The following MAP7 variants were observed in gnomAD, a reference collection of about 807,000 sequenced individuals.
The protein encoded by MAP7 is ensconsin.
A neutral mutation model predicts 94.8 loss-of-function variants in MAP7; 52 were observed. The observed-to-expected ratio is 0.55, with a 90% CI of 0.44 to 0.69. MAP7 has a LOEUF of 0.69. Among genes scored for constraint, MAP7 ranks in the 30% least tolerant of loss-of-function variants. MAP7 has a pLI of 0.00. For synonymous variants in MAP7, 350 were observed against 357.0 expected (o/e 0.98, Z 0.22); for missense variants, 940 against 964.6 (o/e 0.97, Z 0.34).
chr6:136,370,927 C>T (rs1441423526), intron 8 of MAP7, among the ~76,000 whole-genome samples: 1 of 149,632 alleles, frequency 6.7e-6, no homozygotes, highest in African/African-American at 2.5e-5. Context: ...TTTAACACAA[C>T]TAAATATTTT....
intron 8 of MAP7, among the ~76,000 whole-genome samples, chr6:136,368,079 C>T (rs1794769945): frequency 6.6e-6 from 1 of 151,976 alleles, no homozygotes; most frequent in African/African-American, 2.4e-5. Flanking sequence ...AATTACAGTA[C>T]CTTTGAGCCA....
intron 13 of MAP7, 94 bp downstream of exon 13, chr6:136,360,603 G>C: frequency 9.8e-7 from 1 of 1,017,678 alleles, no homozygotes; most frequent in East Asian, 2.4e-5. Context: ...TATGTGGCAA[G>C]GGTAGAACAC....
At chr6:136,461,817 A>G (rs1805315528) in intron 1 of MAP7, among the ~76,000 whole-genome samples, 2 of 152,206 alleles carry the variant, frequency 1.3e-5, no homozygotes, top group Non-Finnish European at 1.5e-5. Context: ...TCTAAACACT[A>G]TTAGGAGTTT....
chr6:136,364,285 C>T, intron 10 of MAP7: 1 of 524,168 alleles, frequency 1.9e-6, no homozygotes, highest in Non-Finnish European at 3.8e-6. Context: ...TTTGCAAAAG[C>T]CTTGGCCAAT....
intron 1 of MAP7, among the ~76,000 whole-genome samples, chr6:136,529,151 G>A (rs188728331): frequency 3.3e-5 from 5 of 152,156 alleles, no homozygotes; most frequent in East Asian, 1.9e-4. Flanking sequence ...ATGGAGTCTC[G>A]CTGTCGCCAG....
chr6:136,355,558 GTTACA>G (rs893799903), intron 16 of MAP7, among the ~76,000 whole-genome samples: 9 of 152,072 alleles, frequency 5.9e-5, no homozygotes, highest in African/African-American at 1.9e-4. Context: ...ATTATAAAAT[GTTACA>G]TTACATTATA....
At position 136,362,619 on chromosome 6, in the gene MAP7, T is replaced by C. The variant is rs1793149400; in HGVS notation, c.1357A>G (p.Met453Val). 1 of 1,612,836 alleles carries C rather than the reference T, an allele frequency of 6.2e-7. No homozygotes were observed. Among genetic ancestry groups the C allele is most frequent in the African/African-American group, 1.3e-5 (1 of 74,740 alleles). The part of the protein sequence containing the change: ...PAPAPVPTPA[M>V]VSAPSSTVNA... ...ACAGTGGATGACGGGGCTGAGACCA[T>C]GGCTGGGGTGGGGACCGGGGCTGGA... is the stretch of plus-strand genomic sequence containing the variant. Residue 453 changes from methionine to valine, a missense_variant, in exon 11 of 18, where the codon ATG becomes GTG. By Grantham distance (21) the Met-to-Val change is conservative (BLOSUM62 1). Transcript: ENST00000354570.
intron 2 of MAP7, among the ~76,000 whole-genome samples, chr6:136,416,397 A>G (rs1789423035): frequency 6.6e-6 from 1 of 152,228 alleles, no homozygotes; most frequent in Admixed American, 6.5e-5. Context: ...AAAAAATACA[A>G]TTAAATAATT....
intron 1 of MAP7, among the ~76,000 whole-genome samples, chr6:136,481,851 G>A (rs1363597667): frequency 1.3e-5 from 2 of 152,118 alleles, no homozygotes; most frequent in African/African-American, 4.8e-5. Flanking sequence ...TTATATGCCT[G>A]TATCAAAATA....
chr6:136,467,415 A>G (rs1807490041), intron 1 of MAP7, among the ~76,000 whole-genome samples: 1 of 152,226 alleles, frequency 6.6e-6, no homozygotes, highest in Non-Finnish European at 1.5e-5. Context: ...GAGAAAGTGT[A>G]TGGAATGACA....
At chr6:136,458,242 A>G (rs1803998765) in intron 1 of MAP7, among the ~76,000 whole-genome samples, 1 of 152,166 alleles carries the variant, frequency 6.6e-6, no homozygotes, top group Non-Finnish European at 1.5e-5. Context: ...TTGTATACTG[A>G]AAAATCATAA....
intron 15 of MAP7, 39 bp from the exon 16 acceptor site, chr6:136,356,833 T>C: frequency 1.3e-6 from 2 of 1,526,692 alleles, no homozygotes; most frequent in Non-Finnish European, 1.8e-6. Context: ...GGGTTACTAA[T>C]ATTCTTTTCT....
Position 136,421,771 on chromosome 6 carries a change from C to T in MAP7, c.96G>A (p.Lys32=). 1.2e-6 allele frequency: 2 copies of T among 1,613,762 alleles called. No homozygotes were observed. Among genetic ancestry groups the T allele is most frequent in the East Asian group, 2.2e-5 (1 of 44,876 alleles). The change falls in exon 2 of 18, where the codon AAG becomes AAA. Residue 32 remains lysine (K), a synonymous_variant. Transcript: ENST00000354570. ...AGGCAGGGCGGCTGGAGGCATTTTT[C>T]TTATCTTGCACTTTGTAGCTGTCGG... The part of the protein sequence containing the change: ...TAPDSYKVQD[K]KNASSRPASA...
chr6:136,456,771 GAAGAAGAA>G (rs1562421965), intron 1 of MAP7, among the ~76,000 whole-genome samples: 20 of 62,854 alleles, frequency 3.2e-4, no homozygotes, highest in South Asian at 1.3e-3. Context: ...GGAGGAGGAA[GAAGAAGAA>G]GAAGAAGAAG....
chr6:136,393,845 T>C (rs1781493805), intron 3 of MAP7, among the ~76,000 whole-genome samples: 1 of 146,864 alleles, frequency 6.8e-6, no homozygotes, highest in Non-Finnish European at 1.5e-5. Context: ...CTCACTACAT[T>C]GACCAGGCTG....
At chr6:136,364,359 G>T in intron 10 of MAP7, 1 of 419,972 alleles carries the variant, frequency 2.4e-6, no homozygotes, top group Non-Finnish European at 4.6e-6. Context: ...AGAAGGTCCT[G>T]CCCCCTCCAC....
chr6:136,526,102 A>G (rs1468030983), intron 1 of MAP7: 2 of 1,370,388 alleles, frequency 1.5e-6, no homozygotes, highest in African/African-American at 1.5e-5. Context: ...CCCTATGGGT[A>G]AACAGTTTGC....
At chr6:136,514,299 T>C (rs1371580706) in intron 1 of MAP7, among the ~76,000 whole-genome samples, 1 of 151,950 alleles carries the variant, frequency 6.6e-6, no homozygotes, top group East Asian at 1.9e-4. Context: ...ATTAACCTCC[T>C]TGTGGCCGGG....
chr6:136,353,298 A>G (rs553194251), intron 16 of MAP7, among the ~76,000 whole-genome samples: 1 of 152,338 alleles, frequency 6.6e-6, no homozygotes, highest in Admixed American at 6.5e-5. Flanking sequence ...CTTATTTGAC[A>G]AGGGCTAATG....
Sources: allele counts gnomAD v4.1 joint callset (sites outside exome capture counted in the v4.1 genomes callset), GRCh38; gene constraint gnomAD v4.1.1; transcripts MANE v1.5; gene names NCBI Gene and HGNC (gene_info 2026-07-23, HGNC 2026-07-21).